Variants in AMOTL1 observed in about 807,000 individuals in gnomAD.
The protein encoded by AMOTL1 is angiomotin like 1.
AMOTL1 carries 45 observed loss-of-function variants against 102.9 expected under a neutral mutation model. That is an observed-to-expected ratio of 0.44 (90% CI 0.34 to 0.56). The LOEUF is 0.56. Ranked by LOEUF, AMOTL1 falls within the 20% of genes least tolerant of loss-of-function variation. AMOTL1 has a pLI of 0.01. For missense variants in AMOTL1, 1,114 were observed against 1,225.6 expected, an observed-to-expected ratio of 0.91 and a Z score of 1.36; for synonymous variants, 481 against 484.7, an observed-to-expected ratio of 0.99 and a Z score of 0.10.
chr11:94,751,780 A>G (rs1400146934), intron 3 of AMOTL1, among the ~76,000 whole-genome samples: 2 of 121,394 alleles, frequency 1.6e-5, no homozygotes, highest in Admixed American at 7.8e-5. Context: ...TTCACACAGC[A>G]CACACACACA....
intron 5 of AMOTL1, among the ~76,000 whole-genome samples, chr11:94,830,967 C>G (rs1311189945): frequency 6.6e-6 from 1 of 152,160 alleles, no homozygotes; most frequent in Non-Finnish European, 1.5e-5. Flanking sequence ...GTGGTTTGAG[C>G]AAACATAGAA....
In AMOTL1 at chr11:94,853,808, G is replaced by A. The variant is rs116059442; in HGVS notation, c.1795-125G>A. On this transcript the variant is annotated intron_variant, in intron 7 of 12. Transcript: ENST00000433060. ...TGCACTTGAAGGATAGGAGTAGGGC[G>A]GTGGGAGGTACGTGCACCTGTAGTT... 3,323 of 1,022,218 alleles carry A rather than the reference G, an allele frequency of 3.3e-3. 74 individuals are homozygous for A. In the African/African-American group the frequency reaches 0.046, roughly 14 times the overall value. 63.3% of individuals were successfully genotyped at this position (1,022,218 alleles called of 1,614,324 possible).
intron 3 of AMOTL1, among the ~76,000 whole-genome samples, chr11:94,752,163 C>T (rs1334212843): frequency 6.6e-6 from 1 of 152,166 alleles, no homozygotes; most frequent in Non-Finnish European, 1.5e-5. Context: ...CTCTCTCTCT[C>T]CTGCTCACCC....
At chr11:94,757,293 T>G (rs913022263) in intron 3 of AMOTL1, among the ~76,000 whole-genome samples, 1 of 152,078 alleles carries the variant, frequency 6.6e-6, no homozygotes, top group Non-Finnish European at 1.5e-5. Flanking sequence ...TACATGTAAT[T>G]TACTCATGAA....
intron 9 of AMOTL1, among the ~76,000 whole-genome samples, chr11:94,860,078 C>T (rs932902475): frequency 6.6e-6 from 1 of 152,156 alleles, no homozygotes; most frequent in African/African-American, 2.4e-5. Flanking sequence ...ATTTAAAGTA[C>T]ATAACACAGT....
At chr11:94,722,345 GACA>G (rs1950187166) in intron 1 of AMOTL1, among the ~76,000 whole-genome samples, 1 of 152,074 alleles carries the variant, frequency 6.6e-6, no homozygotes, top group Admixed American at 6.6e-5. Flanking sequence ...CTGCAGATGG[GACA>G]ACATCACTTC....
chr11:94,735,598 T>C (rs1816264756), intron 2 of AMOTL1, among the ~76,000 whole-genome samples: 1 of 152,224 alleles, frequency 6.6e-6, no homozygotes, highest in Admixed American at 6.5e-5. Context: ...AGCTTATGTT[T>C]GGGAGTGGAG....
chr11:94,871,320 G>A lies in AMOTL1; in HGVS notation c.*525G>A, dbSNP rs1170486934. 6.6e-6 allele frequency: 1 copy of A among 152,226 alleles called. No homozygotes were observed. Among genetic ancestry groups the A allele is most frequent in the Non-Finnish European group, 1.5e-5 (1 of 68,110 alleles). The allele number at this position is 152,226 out of a possible 1,614,324, so 9.4% of individuals were successfully genotyped here. A position where few individuals can be genotyped will look rare whatever the true frequency, so the allele number is the denominator to read the frequency against. ...GTGAGAAGAAGCATCGAGGGCGAGG[G>A]GAATATGAAAGTTGGTCTTCACCTA... On this transcript the variant is annotated 3_prime_UTR_variant, in exon 13 of 13. Coordinates refer to ENST00000433060, the MANE Select transcript of AMOTL1 (RefSeq NM_130847.3).
intron 6 of AMOTL1, among the ~76,000 whole-genome samples, chr11:94,841,297 CA>C (rs1355315802): frequency 6.6e-6 from 1 of 152,006 alleles, no homozygotes; most frequent in African/African-American, 2.4e-5. Context: ...ACTAAAAATA[CA>C]AAAATTAGCT....
At chr11:94,801,795 G>T (rs1951483541) in intron 3 of AMOTL1, among the ~76,000 whole-genome samples, 1 of 152,164 alleles carries the variant, frequency 6.6e-6, no homozygotes, top group Non-Finnish European at 1.5e-5. Context: ...CACACTTTGG[G>T]AGTCAGAAAT....
intron 1 of AMOTL1, among the ~76,000 whole-genome samples, chr11:94,713,156 C>T (rs1037661438): frequency 4.6e-5 from 7 of 151,864 alleles, no homozygotes; most frequent in Non-Finnish European, 1.0e-4. Flanking sequence ...GTCAAGAAAT[C>T]AACTGGGCAT....
intron 3 of AMOTL1, among the ~76,000 whole-genome samples, chr11:94,743,727 C>T (rs1383974130): frequency 2.3e-5 from 3 of 128,378 alleles, no homozygotes; most frequent in African/African-American, 6.1e-5. Flanking sequence ...GGCATGATCT[C>T]GGCTTACTGC....
intron 4 of AMOTL1, among the ~76,000 whole-genome samples, chr11:94,824,126 T>G (rs1472116003): frequency 6.6e-6 from 1 of 152,224 alleles, no homozygotes; most frequent in Non-Finnish European, 1.5e-5. Context: ...TCTTAAAAGT[T>G]GTGGCCTAAA....
chr11:94,765,045 C>T (rs944420080), upstream of AMOTL1, among the ~76,000 whole-genome samples: 1 of 152,206 alleles, frequency 6.6e-6, no homozygotes, highest in Non-Finnish European at 1.5e-5. Context: ...CGCCTCTATG[C>T]TTGTTGGGAA....
At chr11:94,809,202 C>T (rs1012696939) in intron 3 of AMOTL1, among the ~76,000 whole-genome samples, 2 of 152,068 alleles carry the variant, frequency 1.3e-5, no homozygotes, top group African/African-American at 4.8e-5. Context: ...AACTCCTGAC[C>T]TCAAGTGATC....
intron 1 of AMOTL1, among the ~76,000 whole-genome samples, chr11:94,721,501 A>C (rs1304607665): frequency 6.6e-6 from 1 of 151,944 alleles, no homozygotes; most frequent in Non-Finnish European, 1.5e-5. Context: ...GAGGTGAATA[A>C]ATTTAGGTGA....
At chr11:94,737,063 C>T (rs889101078) in intron 2 of AMOTL1, among the ~76,000 whole-genome samples, 2 of 152,164 alleles carry the variant, frequency 1.3e-5, no homozygotes, top group African/African-American at 4.8e-5. Context: ...CTCATTAACC[C>T]TCAGTTGATT....
At position 94,866,384 on chromosome 11, in the gene AMOTL1, G is replaced by A. The variant is rs1313529812; in HGVS notation, c.2488+216G>A. 14 of 581,316 alleles carry A rather than the reference G, an allele frequency of 2.4e-5. No homozygotes were observed. The East Asian group carries it at 3.8e-4, about 16-fold the overall frequency. The allele number at this position is 581,316 out of a possible 1,614,324, so 36.0% of individuals were successfully genotyped here. A position where few individuals can be genotyped will look rare whatever the true frequency, so the allele number is the denominator to read the frequency against. On this transcript the variant is annotated intron_variant, in intron 11 of 12. Coordinates refer to ENST00000433060, the MANE Select transcript of AMOTL1 (RefSeq NM_130847.3). ...ACCACTGGAGTAGCTCTTAGCCATG[G>A]GTTGACTCAGATCAGAATTATCTAT...
intron 6 of AMOTL1, among the ~76,000 whole-genome samples, chr11:94,842,527 A>T (rs958745522): frequency 1.3e-5 from 2 of 152,330 alleles, no homozygotes; most frequent in Non-Finnish European, 2.9e-5. Context: ...GGACATTCCT[A>T]TTCTTTTACA....
Sources: allele counts gnomAD v4.1 joint callset (sites outside exome capture counted in the v4.1 genomes callset), GRCh38; gene constraint gnomAD v4.1.1; transcripts MANE v1.5; gene names NCBI Gene and HGNC (gene_info 2026-07-23, HGNC 2026-07-21).